The following DENND2C variants were observed in gnomAD, a reference collection of about 807,000 sequenced individuals.
The protein encoded by DENND2C is DENN domain-containing protein 2C.
Under a neutral mutation model 112.4 loss-of-function variants are expected in DENND2C, and 72 were observed. That is an observed-to-expected ratio of 0.64 (90% CI 0.53 to 0.78). The LOEUF (loss-of-function observed/expected upper bound fraction) is 0.78, where lower values mean the gene tolerates loss of function less well. DENND2C is among the 30% of genes least tolerant of loss of function. The pLI is 0.00. For missense variants in DENND2C, 992 were observed against 1,113.8 expected (o/e 0.89, Z 1.56); for synonymous variants, 329 against 381.6 (o/e 0.86, Z 1.61).
At chr1:114,629,712 A>C (rs886933966) in intron 3 of DENND2C, among the ~76,000 whole-genome samples, 3 of 152,194 alleles carry the variant, frequency 2.0e-5, no homozygotes, top group Non-Finnish European at 4.4e-5. Context: ...GTAGTTTATC[A>C]GCTTAAAATA....
At chr1:114,643,453 G>C (rs1173598926) in intron 3 of DENND2C, among the ~76,000 whole-genome samples, 1 of 152,044 alleles carries the variant, frequency 6.6e-6, no homozygotes, top group Non-Finnish European at 1.5e-5. Context: ...AAATAATAAA[G>C]GACCAGACTA....
At chr1:114,615,847 G>A (rs1379135503) in intron 8 of DENND2C, among the ~76,000 whole-genome samples, 1 of 152,100 alleles carries the variant, frequency 6.6e-6, no homozygotes, top group East Asian at 1.9e-4. Context: ...AGACTGAGGC[G>A]GGTGGATCAC....
intron 2 of DENND2C, among the ~76,000 whole-genome samples, chr1:114,651,743 G>C (rs1313261502): frequency 6.6e-6 from 1 of 152,102 alleles, no homozygotes. Context: ...ACTCAAAAAA[G>C]AAAGAAAAAG....
At chr1:114,627,559 T>C (rs899434085) in intron 3 of DENND2C, among the ~76,000 whole-genome samples, 24 of 135,820 alleles carry the variant, frequency 1.8e-4, no homozygotes, top group Non-Finnish European at 6.3e-5. Flanking sequence ...TGCCAGCAAA[T>C]AAACTTTGGT....
At chr1:114,624,128 T>C (rs373220194) in intron 4 of DENND2C, among the ~76,000 whole-genome samples, 2 of 152,356 alleles carry the variant, frequency 1.3e-5, no homozygotes, top group South Asian at 4.1e-4. Context: ...AAGTAGGCTG[T>C]GCCTTACGAA....
intron 12 of DENND2C, among the ~76,000 whole-genome samples, chr1:114,601,828 C>T (rs770656097): frequency 2.6e-5 from 4 of 152,138 alleles, no homozygotes; most frequent in Non-Finnish European, 5.9e-5. Context: ...ACTCAGAGCT[C>T]CTTCGAGTAG....
chr1:114,614,811 G>T (rs551994682), intron 8 of DENND2C, among the ~76,000 whole-genome samples: 1 of 152,102 alleles, frequency 6.6e-6, no homozygotes, highest in African/African-American at 2.4e-5. Context: ...AAGAGATTGA[G>T]ACCATCCTGG....
intron 1 of DENND2C, among the ~76,000 whole-genome samples, chr1:114,659,550 ATACAG>A (rs1387261811): frequency 2.0e-5 from 3 of 152,176 alleles, no homozygotes; most frequent in African/African-American, 7.2e-5. Flanking sequence ...TGCTTGAAAG[ATACAG>A]TAGCCAGATA....
At chr1:114,660,403 A>C (rs1657460684) in intron 1 of DENND2C, among the ~76,000 whole-genome samples, 1 of 152,132 alleles carries the variant, frequency 6.6e-6, no homozygotes, top group African/African-American at 2.4e-5. Context: ...ATGTTCACCC[A>C]CACCCAGCCT....
intron 3 of DENND2C, among the ~76,000 whole-genome samples, chr1:114,628,412 T>C (rs183625497): frequency 5.9e-5 from 9 of 152,166 alleles, no homozygotes; most frequent in East Asian, 3.9e-4. Context: ...TGTGTACTGA[T>C]GGTGTTTCAG....
At chr1:114,593,358 T>C (rs1655248068) in intron 18 of DENND2C, among the ~76,000 whole-genome samples, 1 of 152,250 alleles carries the variant, frequency 6.6e-6, no homozygotes, top group Non-Finnish European at 1.5e-5. Context: ...AACAGCAATT[T>C]CTAAATGTTT....
intron 16 of DENND2C, among the ~76,000 whole-genome samples, chr1:114,596,870 C>A (rs1029113828): frequency 4.6e-5 from 7 of 151,950 alleles, no homozygotes; most frequent in African/African-American, 1.7e-4. Flanking sequence ...AATGAAGCAA[C>A]CCCTACTTCA....
At chr1:114,657,714 C>T (rs1255508947) in intron 1 of DENND2C, among the ~76,000 whole-genome samples, 1 of 152,184 alleles carries the variant, frequency 6.6e-6, no homozygotes, top group Non-Finnish European at 1.5e-5. Context: ...CAAATATCAA[C>T]TGTAGACAAT....
chr1:114,667,679 G>T (rs982581927), intron 1 of DENND2C, among the ~76,000 whole-genome samples: 1 of 152,072 alleles, frequency 6.6e-6, no homozygotes, highest in Non-Finnish European at 1.5e-5. Flanking sequence ...TTTTGAAATA[G>T]TTTTTTATAG....
At chr1:114,587,311 T>C in intron 20 of DENND2C, 76 bp downstream of exon 20, 1 of 1,524,128 alleles carries the variant, frequency 6.6e-7, no homozygotes, top group Non-Finnish European at 9.1e-7. Flanking sequence ...CCTCGCAAAG[T>C]GCTGGAATTA....
At chr1:114,651,323 G>A (rs1266800323) in intron 2 of DENND2C, among the ~76,000 whole-genome samples, 3 of 144,176 alleles carry the variant, frequency 2.1e-5, no homozygotes, top group Middle Eastern at 3.5e-3. Context: ...TATGAAACAT[G>A]TGCCTGTAGT....
chr1:114,652,764 C>T (rs1440042035), intron 2 of DENND2C, among the ~76,000 whole-genome samples: 3 of 148,908 alleles, frequency 2.0e-5, no homozygotes, highest in Non-Finnish European at 4.4e-5. Context: ...GCACTACAGC[C>T]TTGAACTCCC....
At chr1:114,653,216 C>A (rs376521635) in intron 2 of DENND2C, among the ~76,000 whole-genome samples, 19 of 152,096 alleles carry the variant, frequency 1.2e-4, no homozygotes, top group South Asian at 1.2e-3. Flanking sequence ...TCAATCGATT[C>A]TCTTGCCTCA....
intron 8 of DENND2C, among the ~76,000 whole-genome samples, chr1:114,611,778 AACACACACACAC>A (rs6143386): frequency 0.37 from 55,370 of 148,300 alleles, 10,805 homozygotes; most frequent in East Asian, 0.51. Flanking sequence ...GAGCACAGGC[AACACACACACAC>A]ACACACACAC....
Sources: gnomAD v4.1 joint callset for allele counts (sites outside exome capture counted in the v4.1 genomes callset) on GRCh38, gnomAD v4.1.1 for gene constraint, MANE v1.5 for transcripts, NCBI Gene and HGNC (gene_info 2026-07-23, HGNC 2026-07-21) for gene names.